Variants in UNC13B observed in about 807,000 individuals in gnomAD.
UNC13B encodes unc-13 homolog B.
Under a neutral mutation model 211.0 loss-of-function variants are expected in UNC13B, and 144 were observed. The ratio of observed to expected loss-of-function variants is 0.68; its 90% CI spans 0.60 to 0.78. The LOEUF is 0.78. UNC13B is among the 30% of genes least tolerant of loss of function. UNC13B has a pLI of 0.00. For missense variants in UNC13B, 1,777 were observed against 2,002.0 expected (o/e 0.89, Z 2.14); for synonymous variants, 709 against 725.8 (o/e 0.98, Z 0.37).
At position 35,265,627 on chromosome 9, in the gene UNC13B, AT is replaced by A. The variant is rs373002044; in HGVS notation, c.526+6585del. 3.0e-3 allele frequency among the ~76,000 whole-genome samples: 451 copies of A among 152,152 alleles called. 1 individual carries two copies. Among genetic ancestry groups the A allele is most frequent in the African/African-American group, 9.9e-3 (411 of 41,510 alleles). ...CTAGGATATGGGATTGTGGCCTTAA[AT>A]TTTTTTTAATAGTTAAAAGTTATTA... On this transcript the variant is annotated intron_variant, in intron 7 of 39. Coordinates refer to ENST00000635942, the MANE Select transcript of UNC13B (RefSeq NM_001371189.2).
intron 6 of UNC13B, among the ~76,000 whole-genome samples, chr9:35,255,449 CAG>C (rs1483299671): frequency 6.6e-6 from 1 of 152,042 alleles, no homozygotes; most frequent in East Asian, 1.9e-4. Context: ...GTAATTCACT[CAG>C]AGCCAGCTGT....
intron 11 of UNC13B, among the ~76,000 whole-genome samples, chr9:35,347,401 C>T (rs1300452817): frequency 1.3e-5 from 2 of 152,188 alleles, no homozygotes; most frequent in Admixed American, 6.5e-5. Context: ...CATTTCACTT[C>T]TGTGGACAGT....
intron 3 of UNC13B, among the ~76,000 whole-genome samples, chr9:35,236,186 C>T (rs778822655): frequency 1.6e-4 from 25 of 152,152 alleles, no homozygotes; most frequent in Non-Finnish European, 2.9e-4. Flanking sequence ...AATCTACCCT[C>T]TTAAATTTTG....
intron 7 of UNC13B, among the ~76,000 whole-genome samples, chr9:35,288,654 T>C (rs1828923475): frequency 6.6e-6 from 1 of 152,228 alleles, no homozygotes; most frequent in African/African-American, 2.4e-5. Flanking sequence ...GGTGAGAATA[T>C]GGAGCTGGCT....
rs776241803 is a variant in UNC13B, at chr9:35,313,910, A to C, written c.9335A>C (p.Glu3112Ala). 1 of 1,613,592 alleles carries C rather than the reference A, an allele frequency of 6.2e-7. No homozygotes were observed. Among genetic ancestry groups the C allele is most frequent in the Non-Finnish European group, 8.5e-7 (1 of 1,179,566 alleles). Residue 3112 changes from glutamate (E) to alanine (A), a missense_variant, in exon 11 of 40, where the codon GAG (glutamate) becomes GCG (alanine). Glu to Ala is a moderately radical substitution (Grantham distance 107, BLOSUM62 -1). Coordinates refer to ENST00000635942, the MANE Select transcript of UNC13B (RefSeq NM_001371189.2). Reference protein sequence around the residue: ...FLGPQESFPEENASSPFTQAR... With the variant: ...FLGPQESFPEANASSPFTQAR... ...TTCTCTGTTACAAGTTTTCCTGAGG[A>C]GAATGCATCTTCACCATTTACCCAA...
intron 1 of UNC13B, among the ~76,000 whole-genome samples, chr9:35,186,846 A>G (rs1822388221): frequency 1.3e-5 from 2 of 151,994 alleles, no homozygotes; most frequent in South Asian, 4.2e-4. Context: ...TGGCAGAGAA[A>G]GGAACACCGC....
rs1249961158 is a variant in UNC13B, at chr9:35,231,307, G to A, written c.152+88G>A. ...GGATGAAACAATTAGAAGATTTTGT[G>A]TATTTTTGAGATTTATAAAATGTAC... is the stretch of plus-strand genomic sequence containing the variant. On this transcript the variant is annotated intron_variant, in intron 3 of 39. Coordinates refer to ENST00000635942, the MANE Select transcript of UNC13B (RefSeq NM_001371189.2). The A allele has an allele frequency of 8.0e-6, 7 of 873,348 alleles. No individual in the cohort carries two copies. The South Asian group carries it at 9.4e-5, about 12-fold the overall frequency. 54.1% of individuals were successfully genotyped at this position (873,348 alleles called of 1,614,324 possible). A position where few individuals can be genotyped will look rare whatever the true frequency, so the allele number is the denominator to read the frequency against.
intron 9 of UNC13B, among the ~76,000 whole-genome samples, chr9:35,309,324 C>T (rs551392927): frequency 6.6e-6 from 1 of 151,432 alleles, no homozygotes; most frequent in South Asian, 2.1e-4. Flanking sequence ...TGACCTGGTA[C>T]CTATTCTGCT....
chr9:35,206,927 C>T (rs1379661923), intron 1 of UNC13B, among the ~76,000 whole-genome samples: 1 of 150,438 alleles, frequency 6.6e-6, no homozygotes, highest in East Asian at 1.9e-4. Flanking sequence ...GATATTACCA[C>T]AGTTTGTTTA....
At chr9:35,315,207 A>G (rs1830391040) in intron 11 of UNC13B, among the ~76,000 whole-genome samples, 1 of 151,924 alleles carries the variant, frequency 6.6e-6, no homozygotes, top group Admixed American at 6.6e-5. Flanking sequence ...TATTTTTGCT[A>G]CTGTGAATAG....
intron 12 of UNC13B, among the ~76,000 whole-genome samples, chr9:35,369,646 C>T (rs1833992247): frequency 6.6e-6 from 1 of 152,192 alleles, no homozygotes; most frequent in Admixed American, 6.5e-5. Context: ...CTCATACAGT[C>T]CCTTTGCTGT....
intron 11 of UNC13B, among the ~76,000 whole-genome samples, chr9:35,363,119 T>C (rs1833539282): frequency 6.6e-6 from 1 of 152,138 alleles, no homozygotes; most frequent in South Asian, 2.1e-4. Flanking sequence ...AATTAGATTG[T>C]AGGAATGTAT....
intron 1 of UNC13B, among the ~76,000 whole-genome samples, chr9:35,167,436 T>C (rs1821097202): frequency 6.6e-6 from 1 of 152,156 alleles, no homozygotes; most frequent in African/African-American, 2.4e-5. Flanking sequence ...AGCCAAAAGG[T>C]TGGACACCCT....
chr9:35,202,242 A>G (rs947586266), intron 1 of UNC13B, among the ~76,000 whole-genome samples: 4 of 152,156 alleles, frequency 2.6e-5, no homozygotes, highest in African/African-American at 9.7e-5. Context: ...TTTGCTGAGG[A>G]GTGCTTTACT....
rs957665521 is a variant in UNC13B at position 35,200,575 on chromosome 9, GTATTT to G, written c.23-27435_23-27431del. On this transcript the variant is annotated intron_variant, in intron 1 of 39. Transcript: ENST00000635942. ...CATCCCTTGTAAGTTGGATTCCTAG[GTATTT>G]TATTCTCTTTGAAGCAATTGTGAAT... 1.2e-3 allele frequency among the ~76,000 whole-genome samples: 190 copies of G among 152,150 alleles called. 2 individuals carry two copies. In the Middle Eastern group the frequency reaches 0.027, roughly 22 times the overall value.
intron 10 of UNC13B, among the ~76,000 whole-genome samples, chr9:35,313,598 C>T (rs1450148684): frequency 3.3e-5 from 5 of 149,518 alleles, no homozygotes; most frequent in South Asian, 2.1e-4. Flanking sequence ...GCACTTCAGC[C>T]GAGGCAACAG....
chr9:35,228,703 A>AGTGTGTGTGTGTGT (rs56971215), intron 2 of UNC13B, among the ~76,000 whole-genome samples: 1 of 140,498 alleles, frequency 7.1e-6, no homozygotes, highest in African/African-American at 2.7e-5. Flanking sequence ...ACATCATGAA[A>AGTGTGTGTGTGTGT]GTGTGTGTGT....
At chr9:35,282,187 G>T (rs953194137) in intron 7 of UNC13B, among the ~76,000 whole-genome samples, 1 of 152,112 alleles carries the variant, frequency 6.6e-6, no homozygotes, top group African/African-American at 2.4e-5. Context: ...ATGTTTAAAT[G>T]TATTAGTATA....
intron 26 of UNC13B, among the ~76,000 whole-genome samples, chr9:35,395,271 C>T (rs1217392352): frequency 6.6e-6 from 1 of 152,194 alleles, no homozygotes; most frequent in East Asian, 1.9e-4. Context: ...TCTAGTCTTA[C>T]ACCTTTTCCC....
Sources: gnomAD v4.1 joint callset for allele counts (sites outside exome capture counted in the v4.1 genomes callset) on GRCh38, gnomAD v4.1.1 for gene constraint, MANE v1.5 for transcripts, NCBI Gene and HGNC (gene_info 2026-07-23, HGNC 2026-07-21) for gene names.